GRID2: variants seen among roughly 807,000 people sequenced by gnomAD.
GRID2 encodes the protein glutamate ionotropic receptor delta type subunit 2, also known as glutamate receptor ionotropic, delta-2.
GRID2 carries 33 observed loss-of-function variants against 114.8 expected under a neutral mutation model. The observed-to-expected ratio is 0.29, with a 90% CI of 0.22 to 0.38. GRID2 has a LOEUF of 0.38. Ranked by LOEUF, GRID2 falls within the 10% of genes least tolerant of loss-of-function variation. The pLI is 1.00. For missense variants in GRID2, 1,184 were observed against 1,257.7 expected, an observed-to-expected ratio of 0.94 and a Z score of 0.89; for synonymous variants, 505 against 449.9, an observed-to-expected ratio of 1.12 and a Z score of -1.55.
chr4:92,579,278 G>C (rs1169653952), intron 1 of GRID2, among the ~76,000 whole-genome samples: 1 of 151,920 alleles, frequency 6.6e-6, no homozygotes, highest in Non-Finnish European at 1.5e-5. Flanking sequence ...GTGTTTAAAA[G>C]GCCACAGTGT....
chr4:92,672,445 A>G (rs1310105294), intron 2 of GRID2, among the ~76,000 whole-genome samples: 1 of 152,128 alleles, frequency 6.6e-6, no homozygotes, highest in Non-Finnish European at 1.5e-5. Context: ...TTTATGATTA[A>G]TATTTTTACA....
chr4:92,944,070 C>T (rs1241350048), intron 2 of GRID2, among the ~76,000 whole-genome samples: 1 of 152,210 alleles, frequency 6.6e-6, no homozygotes. Context: ...ATTCTCAGAT[C>T]TCCAACTGCA....
At chr4:93,039,823 G>C (rs1369685593) in intron 2 of GRID2, among the ~76,000 whole-genome samples, 1 of 152,118 alleles carries the variant, frequency 6.6e-6, no homozygotes, top group Non-Finnish European at 1.5e-5. Context: ...TACTCAGCTT[G>C]ACAGTAACCA....
chr4:92,317,790 A>G (rs1243441165), intron 1 of GRID2, among the ~76,000 whole-genome samples: 1 of 152,182 alleles, frequency 6.6e-6, no homozygotes, highest in Non-Finnish European at 1.5e-5. Flanking sequence ...ACCAAAGAAG[A>G]ATAAGCTGAA....
chr4:92,392,304 T>A (rs571923051), intron 1 of GRID2, among the ~76,000 whole-genome samples: 2 of 152,146 alleles, frequency 1.3e-5, no homozygotes, highest in East Asian at 3.9e-4. Flanking sequence ...ATCCCAGCAC[T>A]TTGGGAGGCC....
At chr4:93,231,385 C>T (rs1311471802) in intron 7 of GRID2, among the ~76,000 whole-genome samples, 3 of 125,290 alleles carry the variant, frequency 2.4e-5, no homozygotes, top group Non-Finnish European at 3.4e-5. Flanking sequence ...CCCCGCACCC[C>T]CTGCCAAAAA....
chr4:93,619,050 A>T (rs1836645), intron 13 of GRID2, among the ~76,000 whole-genome samples: 6,348 of 152,262 alleles, frequency 0.042, 435 homozygotes, highest in African/African-American at 0.14. Context: ...TGATTTTTTT[A>T]AAAAAGTTGA....
chr4:93,637,551 G>C (rs973489706), intron 14 of GRID2, among the ~76,000 whole-genome samples: 1 of 152,108 alleles, frequency 6.6e-6, no homozygotes, highest in African/African-American at 2.4e-5. Context: ...TTAAAATGCT[G>C]TTGGGCATTT....
chr4:92,759,179 C>A (rs1737868362), intron 2 of GRID2, among the ~76,000 whole-genome samples: 1 of 152,142 alleles, frequency 6.6e-6, no homozygotes, highest in African/African-American at 2.4e-5. Flanking sequence ...AATGTCATTC[C>A]TTCCATCTAT....
intron 4 of GRID2, among the ~76,000 whole-genome samples, chr4:93,134,963 C>A (rs1735114238): frequency 6.6e-6 from 1 of 152,036 alleles, no homozygotes; most frequent in Non-Finnish European, 1.5e-5. Context: ...AAAATAAAAG[C>A]TAATTCAGCT....
At chr4:92,664,986 C>CTTTTTTTTTTTTTT (rs201290131) in intron 2 of GRID2, among the ~76,000 whole-genome samples, 1 of 127,572 alleles carries the variant, frequency 7.8e-6, no homozygotes, top group Non-Finnish European at 1.7e-5. Context: ...CTCTGCCATT[C>CTTTTTTTTTTTTTT]TTTTTTTTTT....
At chr4:92,826,227 A>G (rs1040187869) in intron 2 of GRID2, among the ~76,000 whole-genome samples, 2 of 152,056 alleles carry the variant, frequency 1.3e-5, no homozygotes, top group Non-Finnish European at 2.9e-5. Flanking sequence ...CAAGGTATGC[A>G]TCCAACTTAG....
Position 93,344,429 on chromosome 4 carries a change from C to T in GRID2, c.1246-51178C>T, listed in dbSNP as rs58185764. Among the ~76,000 whole-genome samples, 57 of 151,770 alleles carry T rather than the reference C, an allele frequency of 3.8e-4. No individual in the cohort carries two copies. In the East Asian group the frequency reaches 0.011, roughly 29 times the overall value. On this transcript the variant is annotated intron_variant, in intron 8 of 15. Transcript: ENST00000282020. The stretch of plus-strand genomic sequence containing the variant: ...GGCTTCTTTTTCTTTTTTCCCCCCT[C>T]AGCTTTATTAAGGTAAAATTGACAA...
intron 8 of GRID2, among the ~76,000 whole-genome samples, 189 bp downstream of exon 8, chr4:93,238,679 C>A (rs1747105606): frequency 6.6e-6 from 1 of 151,666 alleles, no homozygotes; most frequent in African/African-American, 2.4e-5. Context: ...GCAAGAAATT[C>A]TATTTCCGAC....
chr4:92,740,690 T>TAGATAGATTA (rs1553922534), intron 2 of GRID2, among the ~76,000 whole-genome samples: 1 of 121,224 alleles, frequency 8.2e-6, no homozygotes, highest in African/African-American at 3.1e-5. Context: ...GATAGATAGA[T>TAGATAGATTA]GATAGATAGA....
chr4:92,459,981 G>A (rs1215299692), intron 1 of GRID2, among the ~76,000 whole-genome samples: 8 of 134,606 alleles, frequency 5.9e-5, no homozygotes, highest in Non-Finnish European at 1.1e-4. Flanking sequence ...CCTGCACTCT[G>A]GACTTCCAGC....
chr4:92,687,040 T>C (rs999029786), intron 2 of GRID2, among the ~76,000 whole-genome samples: 1 of 152,174 alleles, frequency 6.6e-6, no homozygotes, highest in Non-Finnish European at 1.5e-5. Flanking sequence ...AAGGCTGATA[T>C]CTCACAAACT....
intron 2 of GRID2, among the ~76,000 whole-genome samples, chr4:93,017,030 G>C (rs183371454): frequency 7.2e-5 from 11 of 152,122 alleles, no homozygotes; most frequent in South Asian, 2.1e-4. Context: ...CTAGTTGAAG[G>C]GATAAAAACT....
chr4:92,500,998 C>A (rs1346737506), intron 1 of GRID2, among the ~76,000 whole-genome samples: 2 of 151,996 alleles, frequency 1.3e-5, no homozygotes, highest in Non-Finnish European at 2.9e-5. Flanking sequence ...TTCATTAGGG[C>A]CCAGAGTTAC....
Sources: gnomAD v4.1 joint callset for allele counts (sites outside exome capture counted in the v4.1 genomes callset) on GRCh38, gnomAD v4.1.1 for gene constraint, MANE v1.5 for transcripts, NCBI Gene and HGNC (gene_info 2026-07-23, HGNC 2026-07-21) for gene names.